The following STARD13 variants were observed in gnomAD, a reference collection of about 807,000 sequenced individuals.
STARD13 encodes the protein StAR related lipid transfer domain containing 13.
Under a neutral mutation model 106.4 loss-of-function variants are expected in STARD13, and 62 were observed. The ratio of observed to expected loss-of-function variants is 0.58; its 90% confidence interval spans 0.48 to 0.72. STARD13 has a LOEUF of 0.72. Ranked by LOEUF, STARD13 falls within the 30% of genes least tolerant of loss-of-function variation. The pLI, the probability that STARD13 is intolerant of heterozygous loss-of-function variation, is 0.00. For synonymous variants in STARD13, 565 were observed against 553.0 expected, an observed-to-expected ratio of 1.02 and a Z score of -0.31; for missense variants, 1,387 against 1,424.0, an observed-to-expected ratio of 0.97 and a Z score of 0.42.
At chr13:33,123,312 C>T (rs602133) in intron 7 of STARD13, among the ~76,000 whole-genome samples, 52,387 of 151,966 alleles carry the variant, frequency 0.34, 9,411 homozygotes, top group South Asian at 0.42. Context: ...ATTAAATCTC[C>T]CTCTTGGCAT....
chr13:33,241,292 G>A (rs1889478445), intron 1 of STARD13, among the ~76,000 whole-genome samples: 2 of 152,148 alleles, frequency 1.3e-5, no homozygotes, highest in Non-Finnish European at 2.9e-5. Context: ...AATGGAATGA[G>A]TAAAAGGAAC....
intron 11 of STARD13, 53 bp from the exon 12 acceptor site, chr13:33,110,143 A>G (rs560392845): frequency 1.8e-5 from 28 of 1,549,762 alleles, no homozygotes; most frequent in African/African-American, 1.6e-4. Context: ...TATGGGTCCA[A>G]CATTTTTTGT....
upstream of STARD13, among the ~76,000 whole-genome samples, chr13:33,290,424 ACT>A (rs1892249427): frequency 6.6e-6 from 1 of 152,060 alleles, no homozygotes; most frequent in South Asian, 2.1e-4. Context: ...TGTGTGCCCA[ACT>A]CTGTGCCAAT....
At chr13:33,669,530 CTTTTTTTTT>C in the STARD13 span, among the ~76,000 whole-genome samples, 2 of 103,156 alleles carry the variant, frequency 1.9e-5, no homozygotes, top group Non-Finnish European at 3.7e-5. Flanking sequence ...AGAGGATGTT[CTTTTTTTTT>C]TTTTTTTTTT....
chr13:33,362,651 G>A, the STARD13 span, among the ~76,000 whole-genome samples: 2 of 143,346 alleles, frequency 1.4e-5, no homozygotes, highest in East Asian at 3.8e-4. Context: ...CCACAACAAA[G>A]GTTGTTGAAT....
chr13:33,406,098 G>A, the STARD13 span, among the ~76,000 whole-genome samples: 1 of 152,168 alleles, frequency 6.6e-6, no homozygotes, highest in African/African-American at 2.4e-5. Flanking sequence ...GACATTCACA[G>A]AACTAGCAAG....
At chr13:33,288,341 G>A (rs190821759), upstream of STARD13, among the ~76,000 whole-genome samples, 5 of 152,072 alleles carry the variant, frequency 3.3e-5, no homozygotes, top group East Asian at 9.6e-4. Context: ...CGCAATCATA[G>A]TTCACTGTAG....
chr13:33,454,563 G>A, the STARD13 span, among the ~76,000 whole-genome samples: 2 of 152,302 alleles, frequency 1.3e-5, no homozygotes, highest in South Asian at 2.1e-4. Flanking sequence ...AAGGAGATAC[G>A]ATAACTCAGT....
the STARD13 span, among the ~76,000 whole-genome samples, chr13:33,625,290 G>A: frequency 1.6e-4 from 24 of 152,326 alleles, no homozygotes; most frequent in East Asian, 4.6e-3. Context: ...AAGTAGTCAA[G>A]TCCGGGTGTG....
At chr13:33,609,003 G>A in the STARD13 span, among the ~76,000 whole-genome samples, 3 of 149,050 alleles carry the variant, frequency 2.0e-5, no homozygotes, top group Non-Finnish European at 3.0e-5. Context: ...GGAGAATGGC[G>A]TGAACCCGGG....
At chr13:33,436,981 C>A in the STARD13 span, among the ~76,000 whole-genome samples, 1 of 152,130 alleles carries the variant, frequency 6.6e-6, no homozygotes, top group Non-Finnish European at 1.5e-5. Flanking sequence ...TATGGAGGGG[C>A]CCCTTCAGTC....
the STARD13 span, among the ~76,000 whole-genome samples, chr13:33,388,495 G>T: frequency 6.6e-6 from 1 of 152,196 alleles, no homozygotes; most frequent in Non-Finnish European, 1.5e-5. Flanking sequence ...CTCTTTAGCT[G>T]CTGGGATTGT....
At chr13:33,557,167 T>G in the STARD13 span, among the ~76,000 whole-genome samples, 1 of 152,074 alleles carries the variant, frequency 6.6e-6, no homozygotes, top group Non-Finnish European at 1.5e-5. Context: ...GAAAGAATAT[T>G]GTTTCCCCCC....
chr13:33,316,424 A>G (rs1893340617), intron 1 of STARD13, among the ~76,000 whole-genome samples: 1 of 152,266 alleles, frequency 6.6e-6, no homozygotes, highest in Non-Finnish European at 1.5e-5. Context: ...AAATAAATTT[A>G]GTAATATAAG....
At chr13:33,423,935 G>C in the STARD13 span, among the ~76,000 whole-genome samples, 1 of 152,078 alleles carries the variant, frequency 6.6e-6, no homozygotes, top group Non-Finnish European at 1.5e-5. Context: ...CATACACTGG[G>C]GCCTGTCGGG....
the STARD13 span, among the ~76,000 whole-genome samples, chr13:33,417,900 C>T: frequency 1.1e-4 from 16 of 152,282 alleles, no homozygotes; most frequent in Non-Finnish European, 1.9e-4. Context: ...TTGACTTATA[C>T]ATTTTAAATG....
At chr13:33,374,925 G>A in the STARD13 span, among the ~76,000 whole-genome samples, 26 of 152,076 alleles carry the variant, frequency 1.7e-4, no homozygotes, top group East Asian at 4.4e-3. Context: ...TTGCTAATAG[G>A]CCCCCTATTA....
At chr13:33,260,580 T>C (rs948277652) in intron 1 of STARD13, among the ~76,000 whole-genome samples, 1 of 152,212 alleles carries the variant, frequency 6.6e-6, no homozygotes, top group African/African-American at 2.4e-5. Context: ...AGACAGAGCC[T>C]GGACACTGTC....
At chr13:33,611,334 T>C in the STARD13 span, 1 of 152,180 alleles carries the variant, frequency 6.6e-6, no homozygotes, top group African/African-American at 2.4e-5. Flanking sequence ...AACTTGTCTC[T>C]GGTTACCAGG....
Sources: gnomAD v4.1 joint callset for allele counts (sites outside exome capture counted in the v4.1 genomes callset) on GRCh38, gnomAD v4.1.1 for gene constraint, MANE v1.5 for transcripts, NCBI Gene and HGNC (gene_info 2026-07-23, HGNC 2026-07-21) for gene names.